Variants in MALRD1 observed in about 807,000 individuals in gnomAD.
MALRD1 encodes MAM and LDL-receptor class A domain-containing protein 1.
MALRD1 carries 247 observed loss-of-function variants against 242.1 expected under a neutral mutation model. The observed-to-expected ratio is 1.02, with a 90% CI of 0.92 to 1.13. MALRD1 has a LOEUF of 1.13. MALRD1 is among the 50% of genes most tolerant of loss of function. The pLI is 0.00. For synonymous variants in MALRD1, 995 were observed against 866.6 expected (o/e 1.15, Z -2.60); for missense variants, 2,989 against 2,533.1 (o/e 1.18, Z -3.86).
chr10:19,364,130 A>G (rs1303142964), intron 26 of MALRD1, among the ~76,000 whole-genome samples: 1 of 152,120 alleles, frequency 6.6e-6, no homozygotes, highest in Non-Finnish European at 1.5e-5. Flanking sequence ...AATAACTGGA[A>G]GTCACTTTTC....
chr10:19,072,213 T>C (rs189379025), intron 2 of MALRD1, among the ~76,000 whole-genome samples: 10 of 152,254 alleles, frequency 6.6e-5, no homozygotes, highest in African/African-American at 2.4e-4. Context: ...GAACAACTCA[T>C]CTATTCCAGG....
At chr10:19,393,672 G>T (rs1846445046) in intron 28 of MALRD1, among the ~76,000 whole-genome samples, 1 of 149,538 alleles carries the variant, frequency 6.7e-6, no homozygotes, top group Non-Finnish European at 1.5e-5. Context: ...TAGCCAGGAT[G>T]GTCTCCATCG....
intron 24 of MALRD1, among the ~76,000 whole-genome samples, chr10:19,332,400 G>A (rs528254012): frequency 6.6e-6 from 1 of 151,556 alleles, no homozygotes; most frequent in African/African-American, 2.4e-5. Context: ...GTGTGATATG[G>A]TTAAAGGAGA....
chr10:19,341,417 A>G (rs1302967893), intron 24 of MALRD1, among the ~76,000 whole-genome samples: 1 of 149,372 alleles, frequency 6.7e-6, no homozygotes, highest in African/African-American at 2.4e-5. Flanking sequence ...ATCAAACAAA[A>G]TAAGTAAAAT....
chr10:19,233,536 T>C (rs1838173070), intron 18 of MALRD1, among the ~76,000 whole-genome samples: 2 of 151,934 alleles, frequency 1.3e-5, no homozygotes, highest in Admixed American at 6.6e-5. Flanking sequence ...TTACATTCTT[T>C]AAGTTACTAA....
At chr10:19,082,073 CTTAT>C (rs1564379015) in intron 2 of MALRD1, among the ~76,000 whole-genome samples, 1 of 151,640 alleles carries the variant, frequency 6.6e-6, no homozygotes, top group Non-Finnish European at 1.5e-5. Flanking sequence ...TTCTGTATGA[CTTAT>C]TTTTTTCTTA....
intron 5 of MALRD1, among the ~76,000 whole-genome samples, chr10:19,105,512 G>A (rs190963990): frequency 5.3e-5 from 8 of 151,978 alleles, no homozygotes; most frequent in Admixed American, 3.9e-4. Flanking sequence ...GATTGAATTC[G>A]TATCTCTTTG....
chr10:19,713,380 G>T (rs1211630178), intron 38 of MALRD1, among the ~76,000 whole-genome samples: 1 of 152,168 alleles, frequency 6.6e-6, no homozygotes, highest in Non-Finnish European at 1.5e-5. Flanking sequence ...CTCTGTGGTA[G>T]GGGATAAGGC....
At chr10:19,430,561 TA>T (rs984518657) in intron 28 of MALRD1, among the ~76,000 whole-genome samples, 10 of 152,306 alleles carry the variant, frequency 6.6e-5, no homozygotes, top group African/African-American at 1.2e-4. Flanking sequence ...CCCTTTTTGC[TA>T]TAATATAATA....
At chr10:19,584,802 T>G (rs969580079) in intron 33 of MALRD1, among the ~76,000 whole-genome samples, 21 of 152,124 alleles carry the variant, frequency 1.4e-4, no homozygotes, top group African/African-American at 4.6e-4. Flanking sequence ...GTCTTGTTGA[T>G]CTGTCTAATG....
chr10:19,158,628 G>A (rs570304312), intron 12 of MALRD1, among the ~76,000 whole-genome samples: 12 of 152,260 alleles, frequency 7.9e-5, no homozygotes, highest in Middle Eastern at 6.8e-3. Context: ...TTATACCTAC[G>A]ATGCAACACA....
intron 19 of MALRD1, among the ~76,000 whole-genome samples, chr10:19,269,271 A>C (rs1348318424): frequency 6.6e-6 from 1 of 151,986 alleles, no homozygotes; most frequent in Non-Finnish European, 1.5e-5. Flanking sequence ...GGAGTAGATT[A>C]GGTCATGAGG....
chr10:19,498,079 A>C (rs1247689355), intron 30 of MALRD1, among the ~76,000 whole-genome samples: 1 of 152,216 alleles, frequency 6.6e-6, no homozygotes, highest in Non-Finnish European at 1.5e-5. Flanking sequence ...TCTTGAGTAA[A>C]TGACTTTGCG....
intron 32 of MALRD1, among the ~76,000 whole-genome samples, chr10:19,557,260 A>G (rs1835763101): frequency 6.6e-6 from 1 of 152,058 alleles, no homozygotes. Flanking sequence ...TTCTCCTAAC[A>G]GTGTCATTTA....
chr10:19,372,998 G>C (rs146079588), intron 26 of MALRD1, among the ~76,000 whole-genome samples: 2 of 151,906 alleles, frequency 1.3e-5, no homozygotes, highest in East Asian at 3.9e-4. Flanking sequence ...CATAAATATG[G>C]ATGTTCATGT....
intron 21 of MALRD1, among the ~76,000 whole-genome samples, chr10:19,308,676 C>A (rs963319011): frequency 6.6e-6 from 1 of 151,496 alleles, no homozygotes; most frequent in Non-Finnish European, 1.5e-5. Context: ...TATACCTGGC[C>A]GTACTTGTCC....
At chr10:19,619,094 C>T (rs1839293456) in intron 36 of MALRD1, among the ~76,000 whole-genome samples, 1 of 152,082 alleles carries the variant, frequency 6.6e-6, no homozygotes, top group African/African-American at 2.4e-5. Flanking sequence ...ATCTCCTAGC[C>T]ATCACGAATT....
intron 29 of MALRD1, among the ~76,000 whole-genome samples, chr10:19,471,905 GA>G (rs1232034999): frequency 6.6e-6 from 1 of 151,716 alleles, no homozygotes; most frequent in East Asian, 1.9e-4. Context: ...AAATTTGGAT[GA>G]CTTTTATTTC....
At chr10:19,193,903 A>G (rs558717499) in intron 14 of MALRD1, among the ~76,000 whole-genome samples, 18 of 152,136 alleles carry the variant, frequency 1.2e-4, no homozygotes, top group African/African-American at 4.1e-4. Flanking sequence ...AACATTTAAC[A>G]TGACAGAAAA....
Sources: gnomAD v4.1 joint callset for allele counts (sites outside exome capture counted in the v4.1 genomes callset) on GRCh38, gnomAD v4.1.1 for gene constraint, MANE v1.5 for transcripts, NCBI Gene and HGNC (gene_info 2026-07-23, HGNC 2026-07-21) for gene names.